The following DHRSX variants were observed in gnomAD, a reference collection of about 807,000 sequenced individuals.
DHRSX encodes the protein dehydrogenase/reductase X-linked.
In DHRSX, 31 loss-of-function variants were observed where a neutral mutation model predicts 34.0. The observed-to-expected ratio is 0.91, with a 90% CI of 0.69 to 1.23. The LOEUF is 1.23. Ranked by LOEUF, DHRSX falls within the 50% of genes most tolerant of loss-of-function variation. The pLI, the probability that DHRSX is intolerant of heterozygous loss-of-function variation, is 0.00. For missense variants in DHRSX, 414 were observed against 428.1 expected (o/e 0.97, Z 0.29); for synonymous variants, 201 against 183.8 (o/e 1.09, Z -0.76).
At chrX:2,458,664 G>T (rs2044347739) in intron 1 of DHRSX, among the ~76,000 whole-genome samples, 1 of 141,882 alleles carries the variant, frequency 7.0e-6, no homozygotes, top group South Asian at 2.1e-4. Flanking sequence ...GTGGTTGCCA[G>T]GGAAGAATGC....
chrX:2,354,571 C>T (rs1156560000), intron 3 of DHRSX, among the ~76,000 whole-genome samples: 1 of 152,208 alleles, frequency 6.6e-6, no homozygotes, highest in African/African-American at 2.4e-5. Flanking sequence ...ACACCATTCT[C>T]CTGCCTCAGC....
At chrX:2,408,004 GCA>G (rs1296760615) in intron 3 of DHRSX, among the ~76,000 whole-genome samples, 1 of 152,198 alleles carries the variant, frequency 6.6e-6, no homozygotes, top group Non-Finnish European at 1.5e-5. Context: ...AAAGTTGTGT[GCA>G]CACCTTCCTT....
Position 2,221,107 on chromosome X carries a change from C to G in DHRSX, c.927G>C (p.Gln309His). Residue 309 changes from glutamine to histidine, a missense_variant, in exon 7 of 7, where the codon CAG (glutamine) becomes CAC (histidine). Physicochemically the swap from Gln to His is conservative, Grantham distance 24. Coordinates refer to ENST00000334651, the MANE Select transcript of DHRSX (RefSeq NM_145177.3). ...TAGACCACAGCTGCTGCTGCAGTTT[C>G]TGGTTGTAGGTGACGTGGAGGGACT... ...ETKSLHVTYN[Q>H]KLQQQLWSKS... The G allele has an allele frequency of 6.2e-7, 1 of 1,613,962 alleles. No individual in the cohort carries two copies. The highest frequency in any genetic ancestry group is 1.7e-5 in the Admixed American group (1 of 60,000).
chrX:2,431,122 G>A (rs989921948), intron 1 of DHRSX, among the ~76,000 whole-genome samples: 36 of 151,604 alleles, frequency 2.4e-4, no homozygotes, highest in Non-Finnish European at 4.0e-4. Context: ...TCAGGAGATC[G>A]ACACCATCCT....
chrX:2,357,929 G>C (rs1266603350), intron 3 of DHRSX, among the ~76,000 whole-genome samples: 18 of 152,176 alleles, frequency 1.2e-4, no homozygotes, highest in African/African-American at 4.1e-4. Context: ...AGTCAAAACA[G>C]GGTAACTCTT....
At chrX:2,429,079 T>G (rs2043884775) in intron 1 of DHRSX, among the ~76,000 whole-genome samples, 2 of 152,184 alleles carry the variant, frequency 1.3e-5, no homozygotes, top group African/African-American at 4.8e-5. Context: ...CCGAATAAGT[T>G]TTCCATATGC....
intron 1 of DHRSX, among the ~76,000 whole-genome samples, chrX:2,443,218 G>A (rs1228116396): frequency 6.6e-6 from 1 of 151,760 alleles, no homozygotes; most frequent in Non-Finnish European, 1.5e-5. Context: ...ATTTTATATA[G>A]ACGGGGGTCT....
intron 1 of DHRSX, 163 bp downstream of exon 1, chrX:2,500,654 G>GCCCCCCCCCAAC (rs2045400405): frequency 7.9e-6 from 1 of 126,696 alleles, no homozygotes; most frequent in Admixed American, 7.7e-5. Flanking sequence ...CGCGCACGCC[G>GCCCCCCCCCAAC]CCCCCCCCCC....
At chrX:2,352,478 G>A (rs1420506156) in intron 3 of DHRSX, among the ~76,000 whole-genome samples, 1 of 152,116 alleles carries the variant, frequency 6.6e-6, no homozygotes, top group Non-Finnish European at 1.5e-5. Context: ...GAGGGCCTGG[G>A]AGCTTACGGG....
At chrX:2,284,343 CATTT>C (rs1176637794) in intron 4 of DHRSX, among the ~76,000 whole-genome samples, 7 of 138,502 alleles carry the variant, frequency 5.1e-5, no homozygotes, top group African/African-American at 1.8e-4. Context: ...TTCATTCATT[CATTT>C]GAATTCTTTC....
intron 3 of DHRSX, among the ~76,000 whole-genome samples, chrX:2,317,395 G>A (rs1488198776): frequency 2.6e-5 from 4 of 151,798 alleles, no homozygotes; most frequent in African/African-American, 9.7e-5. Flanking sequence ...GGGATTACAG[G>A]CATGCAACGC....
At chrX:2,478,756 A>G (rs1028473561) in intron 1 of DHRSX, among the ~76,000 whole-genome samples, 2 of 152,084 alleles carry the variant, frequency 1.3e-5, no homozygotes, top group African/African-American at 4.8e-5. Context: ...CGTGCGGCCA[A>G]GGGACCACCA....
At chrX:2,284,196 A>C (rs73185747) in intron 4 of DHRSX, among the ~76,000 whole-genome samples, 24,761 of 149,074 alleles carry the variant, frequency 0.17, 2,677 homozygotes, top group Non-Finnish European at 0.24. Flanking sequence ...CTTTCAATTC[A>C]TTTAGTCCTT....
chrX:2,224,967 C>CATAT (rs1034151006), intron 6 of DHRSX, among the ~76,000 whole-genome samples: 1 of 149,590 alleles, frequency 6.7e-6, no homozygotes, highest in African/African-American at 2.5e-5. Context: ...CACATGCTCA[C>CATAT]ATTCACATGC....
intron 1 of DHRSX, among the ~76,000 whole-genome samples, chrX:2,450,127 CA>C (rs36055442): frequency 0.62 from 91,646 of 148,448 alleles, 29,690 homozygotes; most frequent in African/African-American, 0.85. Context: ...ATTAGTGCCT[CA>C]AAAAAAAAAG....
At chrX:2,315,865 TTC>T (rs1484295574) in intron 3 of DHRSX, among the ~76,000 whole-genome samples, 2 of 152,110 alleles carry the variant, frequency 1.3e-5, no homozygotes, top group Non-Finnish European at 2.9e-5. Flanking sequence ...GAGTCACATT[TTC>T]TCTCTTTTCT....
At chrX:2,414,655 A>G (rs1202766892) in intron 2 of DHRSX, among the ~76,000 whole-genome samples, 1 of 152,090 alleles carries the variant, frequency 6.6e-6, no homozygotes, top group African/African-American at 2.4e-5. Flanking sequence ...TAACCCAACT[A>G]GGTCTCATCA....
At chrX:2,282,797 A>AT (rs750815588) in intron 4 of DHRSX, among the ~76,000 whole-genome samples, 1 of 94,034 alleles carries the variant, frequency 1.1e-5, no homozygotes, top group Non-Finnish European at 2.1e-5. Flanking sequence ...AGAGAGAAGA[A>AT]AGAGAGAAGA....
At chrX:2,380,234 G>T (rs1192432847) in intron 3 of DHRSX, among the ~76,000 whole-genome samples, 2 of 146,952 alleles carry the variant, frequency 1.4e-5, no homozygotes, top group African/African-American at 5.0e-5. Context: ...CCAGGAGGCG[G>T]AGGTTGCAGT....
Sources: allele counts gnomAD v4.1 joint callset (sites outside exome capture counted in the v4.1 genomes callset), GRCh38; gene constraint gnomAD v4.1.1; transcripts MANE v1.5; gene names NCBI Gene and HGNC (gene_info 2026-07-23, HGNC 2026-07-21).